CSMD1: variants seen among roughly 807,000 people sequenced by gnomAD.
CSMD1 encodes CUB and sushi domain-containing protein 1.
In CSMD1, 213 loss-of-function variants were observed where a neutral mutation model predicts 417.5. The observed-to-expected ratio is 0.51, with a 90% confidence interval of 0.46 to 0.57. The LOEUF (loss-of-function observed/expected upper bound fraction) is 0.57, where lower values mean the gene tolerates loss of function less well. CSMD1 is among the 20% of genes least tolerant of loss of function. The pLI is 0.00. For missense variants in CSMD1, 6,923 were observed against 4,529.7 expected (o/e 1.53, Z -15.17); for synonymous variants, 2,862 against 1,736.8 (o/e 1.65, Z -16.11).
chr8:4,210,957 C>T (rs761903257), intron 3 of CSMD1, among the ~76,000 whole-genome samples: 3 of 152,062 alleles, frequency 2.0e-5, no homozygotes, highest in Non-Finnish European at 4.4e-5. Flanking sequence ...TTAAACTTCT[C>T]TAAATGAAAA....
At chr8:4,629,947 G>C (rs1242096213) in intron 2 of CSMD1, among the ~76,000 whole-genome samples, 1 of 151,958 alleles carries the variant, frequency 6.6e-6, no homozygotes, top group Non-Finnish European at 1.5e-5. Context: ...CTTCTCTCTA[G>C]CCAACCGCAA....
chr8:3,070,674 T>G (rs113022606), intron 49 of CSMD1, among the ~76,000 whole-genome samples: 4,612 of 152,344 alleles, frequency 0.03, 231 homozygotes, highest in African/African-American at 0.1. Context: ...ATTAGCATTT[T>G]TGTCACAACT....
intron 17 of CSMD1, among the ~76,000 whole-genome samples, chr8:3,393,918 A>G (rs1043186716): frequency 4.0e-5 from 6 of 149,112 alleles, no homozygotes; most frequent in Non-Finnish European, 7.4e-5. Flanking sequence ...CAGCACACCA[A>G]CATGGCACAT....
intron 3 of CSMD1, among the ~76,000 whole-genome samples, chr8:4,401,087 A>G (rs571564988): frequency 1.3e-5 from 2 of 152,302 alleles, no homozygotes; most frequent in African/African-American, 4.8e-5. Context: ...GAGTTTTTAC[A>G]AAGAAAATTG....
At chr8:3,190,455 C>CA (rs1410749997) in intron 33 of CSMD1, among the ~76,000 whole-genome samples, 2 of 152,138 alleles carry the variant, frequency 1.3e-5, no homozygotes, top group Non-Finnish European at 2.9e-5. Context: ...GATTGATATT[C>CA]AGGCGATTAC....
At chr8:4,090,311 G>C (rs1008371699) in intron 3 of CSMD1, among the ~76,000 whole-genome samples, 2 of 152,080 alleles carry the variant, frequency 1.3e-5, no homozygotes, top group African/African-American at 4.8e-5. Context: ...AGGTAATATC[G>C]TTTATAAAGA....
At chr8:3,583,483 A>C (rs1010271653) in intron 9 of CSMD1, among the ~76,000 whole-genome samples, 11 of 152,032 alleles carry the variant, frequency 7.2e-5, no homozygotes, top group Admixed American at 5.2e-4. Flanking sequence ...AGCTTAGCAG[A>C]AGTGGTTCTG....
chr8:4,778,183 CCATT>C (rs1482938521), intron 1 of CSMD1, among the ~76,000 whole-genome samples: 1 of 152,060 alleles, frequency 6.6e-6, no homozygotes, highest in East Asian at 1.9e-4. Context: ...ATAAAATTTT[CCATT>C]CATTAAAATT....
At chr8:4,960,445 G>A (rs1023064430) in intron 1 of CSMD1, among the ~76,000 whole-genome samples, 1 of 152,112 alleles carries the variant, frequency 6.6e-6, no homozygotes, top group African/African-American at 2.4e-5. Context: ...CTTTCACCTG[G>A]CATGTGCTGG....
intron 3 of CSMD1, among the ~76,000 whole-genome samples, chr8:4,099,976 C>T (rs561073060): frequency 2.8e-4 from 42 of 152,186 alleles, no homozygotes; most frequent in African/African-American, 1.0e-3. Context: ...CTTCCTAATA[C>T]AGTTGTCTAA....
At position 3,928,649 on chromosome 8, in the gene CSMD1, A is replaced by G. The variant is rs376409599; in HGVS notation, c.818+69254T>C. ...AAGTAATAAGAGTATACATGACAAT[A>G]AAAATGGTTTAAAGAAGGTATAGAT... On this transcript the variant is annotated intron_variant, in intron 5 of 69. Coordinates refer to ENST00000635120, the MANE Select transcript of CSMD1 (RefSeq NM_033225.6). 4.4e-4 allele frequency among the ~76,000 whole-genome samples: 66 copies of G among 148,318 alleles called. 2 individuals carry two copies. Among genetic ancestry groups the G allele is most frequent in the African/African-American group, 1.6e-3 (63 of 38,608 alleles).
intron 23 of CSMD1, among the ~76,000 whole-genome samples, chr8:3,323,022 CCTTT>C (rs2117488668): frequency 6.6e-6 from 1 of 152,254 alleles, no homozygotes; most frequent in South Asian, 2.1e-4. Context: ...ATGGTTTATT[CCTTT>C]CTTCATCTCA....
chr8:3,848,234 T>C (rs1803647060), intron 5 of CSMD1, among the ~76,000 whole-genome samples: 1 of 152,190 alleles, frequency 6.6e-6, no homozygotes, highest in Non-Finnish European at 1.5e-5. Flanking sequence ...ATCCTGCCCT[T>C]AATACCTGCA....
chr8:3,851,946 C>G lies in CSMD1; in HGVS notation c.819-97904G>C, dbSNP rs574506229. Among the ~76,000 whole-genome samples the G allele has an allele frequency of 7.9e-5, 12 of 152,144 alleles. No individual in the cohort carries two copies. In the South Asian group the frequency reaches 2.5e-3, roughly 32 times the overall value. ...GCCTGAGCATTGAAGAATATGTGAG[C>G]TAGAGAGATAGCAGGTTAGAGAGAA... On this transcript the variant is annotated intron_variant, in intron 5 of 69. Coordinates refer to ENST00000635120, the MANE Select transcript of CSMD1 (RefSeq NM_033225.6).
intron 12 of CSMD1, among the ~76,000 whole-genome samples, chr8:3,463,972 C>T (rs535350677): frequency 1.3e-5 from 2 of 152,078 alleles, no homozygotes; most frequent in Non-Finnish European, 2.9e-5. Flanking sequence ...ATTCATCGGA[C>T]GAAGGAGACA....
rs187786738 is a variant in CSMD1 at position 3,487,423 on chromosome 8, G to A, written c.1448+6200C>T. On this transcript the variant is annotated intron_variant, in intron 11 of 69. Coordinates refer to ENST00000635120, the MANE Select transcript of CSMD1 (RefSeq NM_033225.6). ...TCACCATGTTAGCCAGGATGGTCTCGTTCTCCTGACCTCGTGATCTGCCCG... is the reference window on the plus strand; with the variant it reads ...TCACCATGTTAGCCAGGATGGTCTCATTCTCCTGACCTCGTGATCTGCCCG... 5.9e-5 allele frequency among the ~76,000 whole-genome samples: 9 copies of A among 152,000 alleles called. No individual in the cohort carries two copies. The South Asian group carries it at 6.2e-4, about 10-fold the overall frequency.
At chr8:4,359,214 T>C (rs1183165170) in intron 3 of CSMD1, among the ~76,000 whole-genome samples, 2 of 152,204 alleles carry the variant, frequency 1.3e-5, no homozygotes, top group African/African-American at 4.8e-5. Context: ...AGTTGCATTA[T>C]CTGTAGAGAG....
At chr8:3,083,786 A>G (rs1814321421) in intron 49 of CSMD1, among the ~76,000 whole-genome samples, 1 of 147,882 alleles carries the variant, frequency 6.8e-6, no homozygotes, top group Non-Finnish European at 1.5e-5. Context: ...CAGCCTCCCA[A>G]GCAGCTGGGA....
intron 5 of CSMD1, among the ~76,000 whole-genome samples, chr8:3,824,163 G>T (rs530622958): frequency 6.6e-6 from 1 of 151,572 alleles, no homozygotes; most frequent in African/African-American, 2.4e-5. Context: ...CATTCCAATG[G>T]AAATATCTAT....
Sources: allele counts gnomAD v4.1 joint callset (sites outside exome capture counted in the v4.1 genomes callset), GRCh38; gene constraint gnomAD v4.1.1; transcripts MANE v1.5; gene names NCBI Gene and HGNC (gene_info 2026-07-23, HGNC 2026-07-21).